The following SQOR variants were observed in gnomAD, a reference collection of about 807,000 sequenced individuals.
SQOR encodes the protein sulfide quinone oxidoreductase.
SQOR carries 39 observed loss-of-function variants against 48.6 expected under a neutral mutation model. The ratio of observed to expected loss-of-function variants is 0.80; its 90% CI spans 0.62 to 1.05. SQOR has a LOEUF of 1.05. SQOR is among the 50% of genes least tolerant of loss of function. The pLI, the probability that SQOR is intolerant of heterozygous loss-of-function variation, is 0.00. For synonymous variants in SQOR, 220 were observed against 206.2 expected (o/e 1.07, Z -0.57); for missense variants, 561 against 559.9 (o/e 1.00, Z -0.02).
chr15:45,665,725 A>C (rs1889804418), intron 3 of SQOR, among the ~76,000 whole-genome samples: 2 of 152,094 alleles, frequency 1.3e-5, no homozygotes, highest in Non-Finnish European at 2.9e-5. Flanking sequence ...CTGGGATTAC[A>C]GGCATGTGCC....
intron 6 of SQOR, among the ~76,000 whole-genome samples, chr15:45,682,012 A>T (rs1298947454): frequency 1.3e-5 from 2 of 152,192 alleles, no homozygotes; most frequent in African/African-American, 4.8e-5. Flanking sequence ...ATGCTTTCTT[A>T]CCAGCTCCTA....
At chr15:45,649,789 T>G (rs1054283660) in intron 1 of SQOR, among the ~76,000 whole-genome samples, 1 of 152,068 alleles carries the variant, frequency 6.6e-6, no homozygotes, top group East Asian at 1.9e-4. Context: ...GGCCTCATTT[T>G]TTAAGAATTG....
intron 1 of SQOR, among the ~76,000 whole-genome samples, chr15:45,650,965 T>C (rs1446897881): frequency 1.3e-5 from 2 of 152,192 alleles, no homozygotes; most frequent in Non-Finnish European, 2.9e-5. Flanking sequence ...GTGGATCCCG[T>C]GCCAGAGCCG....
At chr15:45,634,967 TG>T (rs1188599688), upstream of SQOR, 5 of 152,172 alleles carry the variant, frequency 3.3e-5, no homozygotes, top group Non-Finnish European at 5.9e-5. Flanking sequence ...GGACCTTTCC[TG>T]GGGGGAGCCT....
At chr15:45,642,819 G>A (rs1052912216) in intron 1 of SQOR, among the ~76,000 whole-genome samples, 1 of 150,984 alleles carries the variant, frequency 6.6e-6, no homozygotes, top group African/African-American at 2.4e-5. Context: ...CCTTTCCCAC[G>A]TCTTCCGAAA....
rs772135127 is a variant in SQOR, at chr15:45,651,373, C to T, written c.-17-7534C>T. Among the ~76,000 whole-genome samples, 14 of 152,182 alleles carry T rather than the reference C, an allele frequency of 9.2e-5. 1 individual carries two copies. The highest frequency in any genetic ancestry group is 6.2e-4 in the South Asian group (3 of 4,832). Reference sequence around the variant, plus strand: ...GAGCGTCGCTGGCAGCCCCGGTTCCCGCCCGCGCCTCTCCCTCCACACCTC... The same window carrying T: ...GAGCGTCGCTGGCAGCCCCGGTTCCTGCCCGCGCCTCTCCCTCCACACCTC... On this transcript the variant is annotated intron_variant, in intron 1 of 9. Transcript: ENST00000260324.
At chr15:45,636,624 G>C (rs764779071) in intron 1 of SQOR, among the ~76,000 whole-genome samples, 2 of 151,894 alleles carry the variant, frequency 1.3e-5, no homozygotes, top group African/African-American at 2.4e-5. Flanking sequence ...GGATGGTCTC[G>C]ATCTCTTGAC....
chr15:45,659,986 C>T (rs187538456), intron 2 of SQOR, among the ~76,000 whole-genome samples: 8 of 152,272 alleles, frequency 5.3e-5, no homozygotes, highest in Admixed American at 2.0e-4. Context: ...GGAAAGCTGT[C>T]AGTGGGCTTA....
chr15:45,639,589 G>A lies in SQOR; in HGVS notation c.-18+4481G>A, dbSNP rs114305296. ...GAGGGAGGGCTGCTTCTGGAAGTGG[G>A]GATTGTGGTGATTTCACTCTATGAT... On this transcript the variant is annotated intron_variant, in intron 1 of 9. Transcript: ENST00000260324. Among the ~76,000 whole-genome samples, 952 of 152,280 alleles carry A rather than the reference G, an allele frequency of 6.3e-3. 2 individuals are homozygous for A. Among genetic ancestry groups the A allele is most frequent in the African/African-American group, 0.022 (917 of 41,550 alleles).
intron 6 of SQOR, 143 bp downstream of exon 6, chr15:45,676,453 G>C: frequency 1.1e-6 from 1 of 881,956 alleles, no homozygotes; most frequent in East Asian, 2.6e-5. Context: ...GAAGTGTTAG[G>C]GCAAGAAGGT....
intron 7 of SQOR, among the ~76,000 whole-genome samples, 159 bp from the exon 8 acceptor site, chr15:45,688,178 G>T (rs139815210): frequency 2.0e-5 from 3 of 152,184 alleles, no homozygotes; most frequent in African/African-American, 7.2e-5. Context: ...AACCCCCTCC[G>T]GTAGTCAGAA....
chr15:45,675,019 T>G (rs988582519), intron 5 of SQOR, among the ~76,000 whole-genome samples: 5 of 152,152 alleles, frequency 3.3e-5, no homozygotes, highest in African/African-American at 1.2e-4. Flanking sequence ...AGGTAGGGAA[T>G]TAAAGGCAGT....
chr15:45,652,566 A>G (rs1370344154), intron 1 of SQOR, among the ~76,000 whole-genome samples: 1 of 144,150 alleles, frequency 6.9e-6, no homozygotes, highest in Non-Finnish European at 1.5e-5. Context: ...CTGTTCTGAA[A>G]CTCCTGATCT....
chr15:45,658,799 C>G (rs1250883163), intron 1 of SQOR, 108 bp from the exon 2 acceptor site: 3 of 861,300 alleles, frequency 3.5e-6, no homozygotes, highest in Non-Finnish European at 5.1e-6. Context: ...TGATGGGGAC[C>G]AGCTGGAGCG....
chr15:45,634,639 T>C (rs991704473), upstream of SQOR: 1 of 152,258 alleles, frequency 6.6e-6, no homozygotes, highest in African/African-American at 2.4e-5. Context: ...CCAGGGCACA[T>C]AGGAGGACCC....
At chr15:45,677,054 A>AG (rs1890049824) in intron 6 of SQOR, among the ~76,000 whole-genome samples, 1 of 151,992 alleles carries the variant, frequency 6.6e-6, no homozygotes, top group South Asian at 2.1e-4. Context: ...AAAAAAAAAA[A>AG]AAGAAATAAT....
chr15:45,682,424 G>A, intron 6 of SQOR, 54 bp from the exon 7 acceptor site: 1 of 1,587,988 alleles, frequency 6.3e-7, no homozygotes, highest in Non-Finnish European at 8.6e-7. Flanking sequence ...GAGAGCTTGT[G>A]GAGCTGTAGA....
upstream of SQOR, among the ~76,000 whole-genome samples, chr15:45,633,882 A>G (rs72713189): frequency 1.5e-4 from 22 of 151,694 alleles, no homozygotes; most frequent in African/African-American, 2.4e-4. Flanking sequence ...ATTTAAAAAA[A>G]TAATATTCAA....
At chr15:45,682,794 C>G (rs1211821739) in intron 7 of SQOR, 133 bp downstream of exon 7, 3 of 1,003,258 alleles carry the variant, frequency 3.0e-6, no homozygotes, top group Non-Finnish European at 4.3e-6. Context: ...TTGGGAGACT[C>G]AGGCAGGCAG....
Sources: allele counts gnomAD v4.1 joint callset (sites outside exome capture counted in the v4.1 genomes callset), GRCh38; gene constraint gnomAD v4.1.1; transcripts MANE v1.5; gene names NCBI Gene and HGNC (gene_info 2026-07-23, HGNC 2026-07-21).